FRMPD4: variants seen among roughly 807,000 people sequenced by gnomAD.
FRMPD4 encodes the protein FERM and PDZ domain-containing protein 4.
FRMPD4 carries 22 observed loss-of-function variants against 94.1 expected under a neutral mutation model. That is an observed-to-expected ratio of 0.23 (90% CI 0.17 to 0.33). The LOEUF (loss-of-function observed/expected upper bound fraction) is 0.33. FRMPD4 is among the 10% of genes least tolerant of loss of function. The pLI is 1.00. For missense variants in FRMPD4, 1,111 were observed against 1,339.9 expected (o/e 0.83, Z 2.67); for synonymous variants, 631 against 548.6 (o/e 1.15, Z -2.10).
chrX:12,252,309 G>A (rs2054052215), intron 1 of FRMPD4, among the ~76,000 whole-genome samples: 1 of 111,469 alleles, frequency 9.0e-6, no homozygotes, highest in Non-Finnish European at 1.9e-5. Context: ...GGCTATATTT[G>A]CCTGAACCAG....
At chrX:12,074,462 G>T (rs1158532185) in intron 3 of FRMPD4, among the ~76,000 whole-genome samples, 1 of 111,336 alleles carries the variant, frequency 9.0e-6, no homozygotes, top group Non-Finnish European at 1.9e-5. Context: ...CCTGCTTAGA[G>T]ATTTTTCCAG....
chrX:11,862,959 G>GTTTTT (rs1258677267), intron 1 of FRMPD4, among the ~76,000 whole-genome samples: 1 of 40,237 alleles, frequency 2.5e-5, no homozygotes, highest in Non-Finnish European at 5.3e-5. Flanking sequence ...TAGGGAACTT[G>GTTTTT]GTTTTTTTTT....
At chrX:12,051,433 T>A (rs1423443008) in intron 3 of FRMPD4, among the ~76,000 whole-genome samples, 1 of 111,517 alleles carries the variant, frequency 9.0e-6, no homozygotes, top group Non-Finnish European at 1.9e-5. Context: ...ATTTCAAAGG[T>A]AGTAAGATAA....
intron 1 of FRMPD4, among the ~76,000 whole-genome samples, chrX:12,241,262 T>A (rs1226051914): frequency 8.9e-6 from 1 of 112,547 alleles, no homozygotes; most frequent in Non-Finnish European, 1.9e-5. Context: ...GACTCAGACC[T>A]TGTCCAAGTG....
chrX:11,879,611 C>T (rs1334232190), intron 3 of FRMPD4, among the ~76,000 whole-genome samples: 5 of 110,868 alleles, frequency 4.5e-5, no homozygotes, highest in African/African-American at 1.6e-4. Flanking sequence ...TCCCTGGATA[C>T]ACCTAATAGT....
At chrX:12,495,535 C>G (rs1474311022) in intron 1 of FRMPD4, among the ~76,000 whole-genome samples, 1 of 110,977 alleles carries the variant, frequency 9.0e-6, no homozygotes, top group Non-Finnish European at 1.9e-5. Context: ...TTGTTAAACA[C>G]AGATTGCTGG....
chrX:12,243,600 C>T (rs759913680), intron 1 of FRMPD4, among the ~76,000 whole-genome samples: 5 of 109,443 alleles, frequency 4.6e-5, no homozygotes, highest in African/African-American at 1.3e-4. Context: ...ACTGAAGATG[C>T]TCTTGTCATT....
intron 1 of FRMPD4, among the ~76,000 whole-genome samples, chrX:12,271,209 C>G (rs967612167): frequency 5.4e-5 from 6 of 112,062 alleles, no homozygotes; most frequent in African/African-American, 1.9e-4. Context: ...TTTATGTAAA[C>G]TTTTATCACC....
At chrX:12,134,000 C>T (rs909377907), upstream of FRMPD4, among the ~76,000 whole-genome samples, 177 of 112,400 alleles carry the variant, frequency 1.6e-3, no homozygotes, top group African/African-American at 5.4e-3. Context: ...CGTTACTCTT[C>T]AGTCACAGTG....
intron 3 of FRMPD4, among the ~76,000 whole-genome samples, chrX:11,963,073 C>A (rs2054291963): frequency 9.5e-6 from 1 of 105,036 alleles, no homozygotes. Context: ...GATCAAATTT[C>A]TTTCAATATG....
chrX:12,678,102 C>G (rs1170025244), intron 5 of FRMPD4, among the ~76,000 whole-genome samples: 1 of 111,571 alleles, frequency 9.0e-6, no homozygotes, highest in Non-Finnish European at 1.9e-5. Context: ...TAATTTTATT[C>G]TGCCTCTTTT....
chrX:12,512,063 C>T (rs963512030), intron 2 of FRMPD4, among the ~76,000 whole-genome samples: 5 of 111,907 alleles, frequency 4.5e-5, no homozygotes, highest in South Asian at 3.8e-4. Context: ...CCATCAACAC[C>T]GAGGCAAAAT....
At chrX:12,317,578 T>G (rs1286372524) in intron 1 of FRMPD4, among the ~76,000 whole-genome samples, 2 of 19,306 alleles carry the variant, frequency 1.0e-4, no homozygotes, top group Non-Finnish European at 2.0e-4. Context: ...GTCAAACAAC[T>G]AAATAGCAAA....
At chrX:11,992,947 C>T (rs754692835) in intron 3 of FRMPD4, among the ~76,000 whole-genome samples, 4 of 108,026 alleles carry the variant, frequency 3.7e-5, no homozygotes, top group African/African-American at 1.3e-4. Context: ...CATTCCAACA[C>T]AATCAATGAT....
chrX:12,628,405 C>T (rs2059366038), intron 4 of FRMPD4, among the ~76,000 whole-genome samples: 1 of 111,528 alleles, frequency 9.0e-6, no homozygotes, highest in African/African-American at 3.3e-5. Context: ...GACTACTCAC[C>T]TAGAAAGGAA....
intron 1 of FRMPD4, among the ~76,000 whole-genome samples, chrX:12,316,085 A>T (rs1166478893): frequency 9.0e-6 from 1 of 111,719 alleles, no homozygotes; most frequent in Non-Finnish European, 1.9e-5. Flanking sequence ...CTCAAATGAT[A>T]CCTCTCAGGT....
At chrX:12,309,320 CTG>C (rs1227308781) in intron 1 of FRMPD4, among the ~76,000 whole-genome samples, 1 of 108,684 alleles carries the variant, frequency 9.2e-6, no homozygotes, top group Non-Finnish European at 1.9e-5. Flanking sequence ...GTCATTTTCA[CTG>C]TGCAGACGTT....
chrX:12,079,497 C>T (rs951524826), intron 3 of FRMPD4, among the ~76,000 whole-genome samples: 1 of 111,720 alleles, frequency 9.0e-6, no homozygotes, highest in African/African-American at 3.3e-5. Context: ...CCCATTTTTA[C>T]ACTTTAAGAC....
chrX:12,122,960 G>C (rs970409167), intron 3 of FRMPD4, among the ~76,000 whole-genome samples: 3 of 110,897 alleles, frequency 2.7e-5, no homozygotes, highest in South Asian at 3.9e-4. Flanking sequence ...CTACAAAATT[G>C]TGCAGTGTAC....
Sources: gnomAD v4.1 joint callset for allele counts (sites outside exome capture counted in the v4.1 genomes callset) on GRCh38, gnomAD v4.1.1 for gene constraint, MANE v1.5 for transcripts, NCBI Gene and HGNC (gene_info 2026-07-23, HGNC 2026-07-21) for gene names.